Variants in CFH observed in about 807,000 individuals in gnomAD.
CFH encodes the protein complement factor H, also known as H factor 1 (complement).
Under a neutral mutation model 147.3 loss-of-function variants are expected in CFH, and 53 were observed. That is an observed-to-expected ratio of 0.36 (90% confidence interval 0.29 to 0.45). The LOEUF is 0.45. Among genes scored for constraint, CFH ranks in the 20% least tolerant of loss-of-function variants. The pLI, the probability that CFH is intolerant of heterozygous loss-of-function variation, is 1.00. For synonymous variants in CFH, 536 were observed against 489.4 expected (o/e 1.10, Z -1.26); for missense variants, 1,380 against 1,498.0 (o/e 0.92, Z 1.30).
At chr1:196,665,570 T>A (rs981121137) in intron 1 of CFH, among the ~76,000 whole-genome samples, 49 of 152,120 alleles carry the variant, frequency 3.2e-4, no homozygotes, top group African/African-American at 1.2e-3. Flanking sequence ...TTCAAATTTA[T>A]CCCATTTCAT....
intron 9 of CFH, among the ~76,000 whole-genome samples, chr1:196,708,055 C>CA (rs1489150790): frequency 6.6e-6 from 1 of 152,136 alleles, no homozygotes; most frequent in Non-Finnish European, 1.5e-5. Flanking sequence ...AACATAGTCT[C>CA]ATGCCACTCA....
intron 1 of CFH, among the ~76,000 whole-genome samples, chr1:196,657,575 C>T (rs1345859741): frequency 1.3e-4 from 19 of 151,988 alleles, no homozygotes; most frequent in Admixed American, 1.2e-3. Context: ...AATATATATC[C>T]CCTGTGTATA....
chr1:196,668,386 T>C (rs1219634120), intron 1 of CFH, among the ~76,000 whole-genome samples: 1 of 152,234 alleles, frequency 6.6e-6, no homozygotes, highest in Non-Finnish European at 1.5e-5. Flanking sequence ...CTAAGACATA[T>C]ATATTCAGAC....
intron 1 of CFH, among the ~76,000 whole-genome samples, chr1:196,656,689 T>A (rs1204380947): frequency 6.6e-6 from 1 of 151,640 alleles, no homozygotes; most frequent in Admixed American, 6.6e-5. Context: ...GTGTTGCGTT[T>A]TTTTTTTTTT....
chr1:196,698,089 G>T (rs1668339457), intron 9 of CFH, among the ~76,000 whole-genome samples: 1 of 151,910 alleles, frequency 6.6e-6, no homozygotes, highest in Admixed American at 6.6e-5. Context: ...CACCACCATG[G>T]CACATGTATA....
Position 196,690,159 on chromosome 1 carries a change from G to A in CFH, c.1256G>A (p.Gly419Asp). Reference protein sequence around the residue: ...GKSIDVACHPGYALPKAQTTV... With the variant: ...GKSIDVACHPDYALPKAQTTV... Reference sequence around the variant, plus strand: ...TCTATAGACGTTGCCTGCCATCCTGGCTACGCTCTTCCAAAAGCGCAGACC... The same window carrying A: ...TCTATAGACGTTGCCTGCCATCCTGACTACGCTCTTCCAAAAGCGCAGACC... Residue 419 changes from glycine (G) to aspartate (D), a missense_variant, in exon 9 of 22, where the codon GGC becomes GAC. Physicochemically the swap from Gly to Asp is moderately conservative, Grantham distance 94 (BLOSUM62 -1). Coordinates refer to ENST00000367429, the MANE Select transcript of CFH (RefSeq NM_000186.4). The A allele has an allele frequency of 3.1e-6, 5 of 1,613,392 alleles. No homozygotes were observed. The highest frequency in any genetic ancestry group is 4.2e-6 in the Non-Finnish European group (5 of 1,179,652).
intron 1 of CFH, among the ~76,000 whole-genome samples, chr1:196,662,514 G>C (rs1047606314): frequency 6.6e-6 from 1 of 151,770 alleles, no homozygotes. Context: ...TTATATTTAG[G>C]ATCAGTTTCA....
rs1205328020 is a variant in CFH, at chr1:196,714,668, TAGAGAGAGAGAG to T, written c.1519+791_1519+802del. On this transcript the variant is annotated intron_variant, in intron 10 of 21. Coordinates refer to ENST00000367429, the MANE Select transcript of CFH (RefSeq NM_000186.4). ...ATATATATATATATATATATATATA[TAGAGAGAGAGAG>T]AGAGAGAGAGAGAGAGAGAGAGAGA... Among the ~76,000 whole-genome samples the T allele has an allele frequency of 4.1e-3, 87 of 21,274 alleles. 1 individual carries two copies. The highest frequency in any genetic ancestry group is 6.6e-3 in the African/African-American group (38 of 5,786). The allele number at this position is 21,274 out of a possible 152,430, so 14.0% of individuals were successfully genotyped here.
intron 1 of CFH, among the ~76,000 whole-genome samples, chr1:196,668,384 T>C (rs905996444): frequency 6.6e-6 from 1 of 152,206 alleles, no homozygotes; most frequent in Non-Finnish European, 1.5e-5. Context: ...TGCTAAGACA[T>C]ATATATTCAG....
chr1:196,674,010 G>A lies in CFH; in HGVS notation c.350+48G>A, dbSNP rs376712366. ...GGTTTATAATTAAGATAGTAAATAGGAACTCTACTACTTTATATATTTTTA... is the reference window on the plus strand; with the variant it reads ...GGTTTATAATTAAGATAGTAAATAGAAACTCTACTACTTTATATATTTTTA... On this transcript the variant is annotated intron_variant, in intron 3 of 21. Transcript: ENST00000367429. The A allele has an allele frequency of 1.7e-4, 210 of 1,219,058 alleles. 2 individuals are homozygous for A. Among genetic ancestry groups the A allele is most frequent in the Middle Eastern group, 1.9e-4 (1 of 5,296 alleles). 75.5% of individuals were successfully genotyped at this position (1,219,058 alleles called of 1,614,324 possible).
chr1:196,655,146 AATT>A (rs1278785092), intron 1 of CFH, among the ~76,000 whole-genome samples: 1 of 152,188 alleles, frequency 6.6e-6, no homozygotes, highest in Non-Finnish European at 1.5e-5. Flanking sequence ...ATTTACTTTG[AATT>A]ATTATCATCT....
chr1:196,745,760 A>G, intron 20 of CFH, 57 bp from the exon 21 acceptor site: 1 of 1,612,942 alleles, frequency 6.2e-7, no homozygotes. Context: ...GCCTTATTTG[A>G]ACTTGTATTT....
chr1:196,662,847 C>T (rs1666954890), intron 1 of CFH, among the ~76,000 whole-genome samples: 1 of 151,506 alleles, frequency 6.6e-6, no homozygotes, highest in Admixed American at 6.6e-5. Flanking sequence ...CACCACTGCA[C>T]TCCAGCCTGG....
At chr1:196,679,130 G>A (rs967059085) in intron 5 of CFH, 1 of 148,564 alleles carries the variant, frequency 6.7e-6, no homozygotes, top group African/African-American at 2.5e-5. Flanking sequence ...TATAAAAGAT[G>A]ATGGCCATTT....
chr1:196,747,399 T>G lies in CFH; in HGVS notation c.*86T>G. On this transcript the variant is annotated 3_prime_UTR_variant, in exon 22 of 22. Coordinates refer to ENST00000367429, the MANE Select transcript of CFH (RefSeq NM_000186.4). The stretch of plus-strand genomic sequence containing the variant: ...CATTTTTTATGTATTGTTTTACTCC[T>G]TTTTATTCATACGTAAAATTTTGGA... 2 of 1,524,576 alleles carry G rather than the reference T, an allele frequency of 1.3e-6. No homozygotes were observed. Among genetic ancestry groups the G allele is most frequent in the South Asian group, 2.3e-5 (2 of 86,554 alleles). The allele number at this position is 1,524,576 out of a possible 1,614,324, so 94.4% of individuals were successfully genotyped here.
chr1:196,718,279 G>A (rs962526861), intron 11 of CFH, among the ~76,000 whole-genome samples: 1 of 152,018 alleles, frequency 6.6e-6, no homozygotes, highest in Non-Finnish European at 1.5e-5. Context: ...TATATTTTAT[G>A]TATCACTGTG....
chr1:196,672,997 A>G lies in CFH; in HGVS notation c.78A>G (p.Pro26=), dbSNP rs760566051. 2 of 1,614,030 alleles carry G rather than the reference A, an allele frequency of 1.2e-6. No individual in the cohort carries two copies. Among genetic ancestry groups the G allele is most frequent in the East Asian group, 2.2e-5 (1 of 44,842 alleles). The change falls in exon 2 of 22, where the codon CCA becomes CCG. Residue 26 remains proline (P), a synonymous_variant. Transcript: ENST00000367429. ...TTGTAGATTGCAATGAACTTCCTCCAAGAAGAAATACAGAAATTCTGACAG... is the reference window on the plus strand; with the variant it reads ...TTGTAGATTGCAATGAACTTCCTCCGAGAAGAAATACAGAAATTCTGACAG... The part of the protein sequence containing the change: ...CVAEDCNELP[P]RRNTEILTGS...
Position 196,739,262 on chromosome 1 carries a change from T to C in CFH, c.2783-1357T>C, listed in dbSNP as rs35279122. On this transcript the variant is annotated intron_variant, in intron 17 of 21. Coordinates refer to ENST00000367429, the MANE Select transcript of CFH (RefSeq NM_000186.4). ...ATTCCCCATTGTCTTGGTGATTAAC[T>C]TTGGCTCCTTATTATTTTTGCAAAT... Among the ~76,000 whole-genome samples the C allele has an allele frequency of 6.0e-3, 916 of 152,332 alleles. 9 individuals carry two copies. The highest frequency in any genetic ancestry group is 0.021 in the African/African-American group (874 of 41,570).
rs1667327363 is a variant in CFH at position 196,672,828 on chromosome 1, A to G, written c.59-150A>G. 2.1e-5 allele frequency: 13 copies of G among 620,126 alleles called. No homozygotes were observed. In the East Asian group the frequency reaches 2.7e-4, roughly 13 times the overall value. 38.4% of individuals were successfully genotyped at this position (620,126 alleles called of 1,614,324 possible). ...CATGCATGAAATGTATGTTTACTCC[A>G]TAGATATGGGGTTAGGAGAGAGAGA... On this transcript the variant is annotated intron_variant, in intron 1 of 21. Transcript: ENST00000367429.
Sources: allele counts gnomAD v4.1 joint callset (sites outside exome capture counted in the v4.1 genomes callset), GRCh38; gene constraint gnomAD v4.1.1; transcripts MANE v1.5; gene names NCBI Gene and HGNC (gene_info 2026-07-23, HGNC 2026-07-21).